RARG: variants seen among roughly 807,000 people sequenced by gnomAD.
RARG encodes RAR-gamma.
RARG carries 17 observed loss-of-function variants against 43.7 expected under a neutral mutation model. The observed-to-expected ratio is 0.39, with a 90% confidence interval of 0.27 to 0.58. The LOEUF (loss-of-function observed/expected upper bound fraction) is 0.58. Among genes scored for constraint, RARG ranks in the 20% least tolerant of loss-of-function variants. The pLI is 0.57. For synonymous variants in RARG, 238 were observed against 236.4 expected (o/e 1.01, Z -0.06); for missense variants, 346 against 598.7 (o/e 0.58, Z 4.40).
Position 53,213,953 on chromosome 12 carries a change from G to T in RARG, c.813+106C>A. 1 of 1,326,946 alleles carries T rather than the reference G, an allele frequency of 7.5e-7. No individual in the cohort carries two copies. The highest frequency in any genetic ancestry group is 1.0e-6 in the Non-Finnish European group (1 of 955,700). The allele number at this position is 1,326,946 out of a possible 1,614,324, so 82.2% of individuals were successfully genotyped here. On this transcript the variant is annotated intron_variant, in intron 7 of 9. Transcript: ENST00000425354. The surrounding 1 kb of genome is among the most constrained non-coding windows in gnomAD (Gnocchi z 4.7). ...AAAAGAGAGCTGAGGAGTCCCACAT[G>T]TGTGGCAGGGGGTGCAGGGTAAGGA...
rs1006165342 is a variant in RARG, at chr12:53,213,376, G to A, written c.1018+120C>T. 5 of 1,482,808 alleles carry A rather than the reference G, an allele frequency of 3.4e-6. No individual in the cohort carries two copies. The African/African-American group carries it at 5.5e-5, about 16-fold the overall frequency. 91.9% of individuals were successfully genotyped at this position (1,482,808 alleles called of 1,614,324 possible). On this transcript the variant is annotated intron_variant, in intron 8 of 9. Transcript: ENST00000425354. This position sits in a 1 kb window ranked among gnomAD's most constrained non-coding sequence, Gnocchi z 4.7. ...CAGAACTCTCTGGATGGGGCCAGGT[G>A]CAAGAATTACCAGCAGAAGAGACCA...
intron 3 of RARG, among the ~76,000 whole-genome samples, chr12:53,223,531 C>T (rs1034618810): frequency 1.5e-4 from 22 of 149,828 alleles, no homozygotes; most frequent in South Asian, 4.5e-4. Context: ...CCGCCCCCCC[C>T]CCGCCCAAGA....
chr12:53,214,799 G>C (rs915833214), intron 5 of RARG, 193 bp from the exon 6 acceptor site: 22 of 597,762 alleles, frequency 3.7e-5, no homozygotes, highest in Non-Finnish European at 2.8e-5. Context: ...CCCCACCCAG[G>C]GCCTGCAGCC....
intron 2 of RARG, chr12:53,229,981 G>A (rs971098783): frequency 3.1e-6 from 3 of 977,480 alleles, no homozygotes; most frequent in Non-Finnish European, 3.6e-6. Flanking sequence ...CTCAGAGAAG[G>A]GACTTGGGAG....
Position 53,211,224 on chromosome 12 carries a change from A to T in RARG, c.*452T>A, listed in dbSNP as rs1204333787. The T allele has an allele frequency of 6.5e-6, 1 of 154,454 alleles. No homozygotes were observed. Among genetic ancestry groups the T allele is most frequent in the Non-Finnish European group, 1.4e-5 (1 of 69,296 alleles). 9.6% of individuals were successfully genotyped at this position (154,454 alleles called of 1,614,324 possible). A position where few individuals can be genotyped will look rare whatever the true frequency, so the allele number is the denominator to read the frequency against. On this transcript the variant is annotated 3_prime_UTR_variant, in exon 10 of 10. Coordinates refer to ENST00000425354, the MANE Select transcript of RARG (RefSeq NM_000966.6). The surrounding 1 kb of genome is among the most constrained non-coding windows in gnomAD (Gnocchi z 4.6). The stretch of plus-strand genomic sequence containing the variant: ...AGCACACACCCTGCAGGTGCATCAC[A>T]CAGCATTAGGCACCAAGGGTAGGAG...
chr12:53,215,638 G>A lies in RARG; in HGVS notation c.333+8C>T, dbSNP rs373911792. On this transcript the variant is annotated splice_region_variant and intron_variant, in intron 4 of 9. Coordinates refer to ENST00000425354, the MANE Select transcript of RARG (RefSeq NM_000966.6). This position sits in a 1 kb window ranked among gnomAD's most constrained non-coding sequence, Gnocchi z 6.4. ...TCCCCCGTCTGCCCACTCCCACCAC[G>A]TACACACCTTGCAGCCTTCACAAGA... The A allele has an allele frequency of 4.5e-5, 73 of 1,610,300 alleles. No individual in the cohort carries two copies. Among genetic ancestry groups the A allele is most frequent in the African/African-American group, 2.0e-4 (15 of 74,866 alleles).
At chr12:53,217,305 C>T (rs1592433889) in intron 3 of RARG, among the ~76,000 whole-genome samples, 1 of 152,132 alleles carries the variant, frequency 6.6e-6, no homozygotes, top group Admixed American at 6.5e-5. Context: ...GTGAGGAGGG[C>T]TGGAACGCCT....
intron 6 of RARG, 64 bp from the exon 7 acceptor site, chr12:53,214,299 T>C: frequency 6.4e-7 from 1 of 1,551,504 alleles, no homozygotes; most frequent in Non-Finnish European, 8.8e-7. Context: ...GGCTGTCTTC[T>C]CTCTACCAAT....
intron 3 of RARG, among the ~76,000 whole-genome samples, chr12:53,221,727 T>TC (rs954311497): frequency 6.7e-6 from 1 of 148,772 alleles, no homozygotes; most frequent in Admixed American, 6.7e-5. Context: ...CTCCCGGAAA[T>TC]CCCCCCCTCC....
intron 3 of RARG, among the ~76,000 whole-genome samples, chr12:53,225,328 C>G (rs975300982): frequency 6.6e-6 from 1 of 152,208 alleles, no homozygotes; most frequent in Non-Finnish European, 1.5e-5. Flanking sequence ...AATCCCTCCT[C>G]ACTCCTCACA....
chr12:53,218,428 G>A (rs1335606109), intron 3 of RARG, among the ~76,000 whole-genome samples: 3 of 152,062 alleles, frequency 2.0e-5, no homozygotes, highest in African/African-American at 7.2e-5. Flanking sequence ...CTTCCTGAAA[G>A]ATTCTTTCCA....
At position 53,214,724 on chromosome 12, in the gene RARG, G is replaced by A. The variant is rs1942709383; in HGVS notation, c.476-118C>T. On this transcript the variant is annotated intron_variant, in intron 5 of 9. Transcript: ENST00000425354. ...TCATGAATATCTATTCTCTGGCACT[G>A]TAATTACTGCCTCAGTTTCCCTATC... is the stretch of plus-strand genomic sequence containing the variant. 1.4e-5 allele frequency: 15 copies of A among 1,109,544 alleles called. 1 individual carries two copies. The South Asian group carries it at 2.5e-4, about 18-fold the overall frequency. 68.7% of individuals were successfully genotyped at this position (1,109,544 alleles called of 1,614,324 possible). A position where few individuals can be genotyped will look rare whatever the true frequency, so the allele number is the denominator to read the frequency against.
chr12:53,221,970 G>A (rs1942978342), intron 3 of RARG, among the ~76,000 whole-genome samples: 1 of 151,824 alleles, frequency 6.6e-6, no homozygotes, highest in Admixed American at 6.6e-5. Context: ...GAAGAATAAA[G>A]GGCAGGAAGG....
rs780508006 is a variant in RARG, at chr12:53,219,906, C to T, written c.185-4112G>A. The T allele has an allele frequency of 4.3e-5, 62 of 1,437,810 alleles. No individual in the cohort carries two copies. In the Admixed American group the frequency reaches 6.2e-4, roughly 14 times the overall value. 89.1% of individuals were successfully genotyped at this position (1,437,810 alleles called of 1,614,324 possible). The stretch of plus-strand genomic sequence containing the variant: ...TACACACGGAAAGAGTAAATCCCAC[C>T]CTCTCCTGCACCCTACACCCCAGCC... On this transcript the variant is annotated intron_variant, in intron 3 of 9. Coordinates refer to ENST00000425354, the MANE Select transcript of RARG (RefSeq NM_000966.6).
rs189064292 is a variant in RARG, at chr12:53,212,635, C to T, written c.1177+450G>A. 2.6e-5 allele frequency among the ~76,000 whole-genome samples: 4 copies of T among 152,148 alleles called. No homozygotes were observed. In the East Asian group the frequency reaches 7.7e-4, roughly 29 times the overall value. On this transcript the variant is annotated intron_variant, in intron 9 of 9. Coordinates refer to ENST00000425354, the MANE Select transcript of RARG (RefSeq NM_000966.6). ...TACATTGTATATTAACTAATTTAGT[C>T]CTCAAGACAGCGTTACAAGGTACGT...
At chr12:53,230,879 G>C (rs57343307) in intron 2 of RARG, among the ~76,000 whole-genome samples, 42 of 139,782 alleles carry the variant, frequency 3.0e-4, no homozygotes, top group Middle Eastern at 7.5e-3. Flanking sequence ...GTGTGTGTGT[G>C]TGTATGTCTG....
At chr12:53,216,831 T>TGC in intron 3 of RARG, among the ~76,000 whole-genome samples, 1 of 138,814 alleles carries the variant, frequency 7.2e-6, no homozygotes. Flanking sequence ...AGTGTGTGTG[T>TGC]GTGTGTGTGT....
intron 3 of RARG, chr12:53,219,962 C>T (rs1355600615): frequency 2.6e-6 from 4 of 1,513,752 alleles, no homozygotes; most frequent in East Asian, 2.4e-5. Flanking sequence ...TGCAGGCTGG[C>T]GGGTTGCGGC....
rs781204314 is a variant in RARG at position 53,211,642 on chromosome 12, C to T, written c.*34G>A. On this transcript the variant is annotated 3_prime_UTR_variant, in exon 10 of 10. Transcript: ENST00000425354. This position sits in a 1 kb window ranked among gnomAD's most constrained non-coding sequence, Gnocchi z 4.6. ...GATGGTCAGTCTGCTGCCTGAAGCCCCAACCCCCACAGCGGGGAGGTCAGG... is the reference window on the plus strand; with the variant it reads ...GATGGTCAGTCTGCTGCCTGAAGCCTCAACCCCCACAGCGGGGAGGTCAGG... The T allele has an allele frequency of 3.3e-5, 47 of 1,417,028 alleles. No individual in the cohort carries two copies. The highest frequency in any genetic ancestry group is 4.0e-5 in the Non-Finnish European group (43 of 1,083,212). 87.8% of individuals were successfully genotyped at this position (1,417,028 alleles called of 1,614,324 possible). A position where few individuals can be genotyped will look rare whatever the true frequency, so the allele number is the denominator to read the frequency against.
Sources: gnomAD v4.1 joint callset for allele counts (sites outside exome capture counted in the v4.1 genomes callset) on GRCh38, gnomAD v4.1.1 for gene constraint, Gnocchi (gnomAD v3.1) non-coding constraint, MANE v1.5 for transcripts, NCBI Gene and HGNC (gene_info 2026-07-23, HGNC 2026-07-21) for gene names.